Variants in UBASH3B observed in about 807,000 individuals in gnomAD.
The protein encoded by UBASH3B is ubiquitin-associated and SH3 domain-containing protein B.
In UBASH3B, 37 loss-of-function variants were observed where a neutral mutation model predicts 83.4. The observed-to-expected ratio is 0.44, with a 90% CI of 0.34 to 0.58. The LOEUF (loss-of-function observed/expected upper bound fraction) is 0.58. UBASH3B is among the 20% of genes least tolerant of loss of function. The pLI is 0.01. For synonymous variants in UBASH3B, 304 were observed against 318.3 expected (o/e 0.96, Z 0.48); for missense variants, 657 against 827.2 (o/e 0.79, Z 2.52).
intron 1 of UBASH3B, among the ~76,000 whole-genome samples, chr11:122,715,197 G>A (rs779186477): frequency 4.6e-5 from 7 of 152,124 alleles, no homozygotes; most frequent in African/African-American, 1.2e-4. Context: ...CGCCCGCCTC[G>A]GCCTCCCAAA....
chr11:122,764,974 AT>A (rs1860506937), intron 1 of UBASH3B, among the ~76,000 whole-genome samples: 1 of 152,180 alleles, frequency 6.6e-6, no homozygotes, highest in Admixed American at 6.5e-5. Context: ...AGGAATGGGT[AT>A]TTAGCAAAAG....
At chr11:122,713,821 A>C (rs1266486814) in intron 1 of UBASH3B, among the ~76,000 whole-genome samples, 1 of 152,060 alleles carries the variant, frequency 6.6e-6, no homozygotes, top group Non-Finnish European at 1.5e-5. Context: ...GAACATGGGA[A>C]TCTGTATTTT....
rs1164111404 is a variant in UBASH3B, at chr11:122,758,716, T to A, written c.162-17503T>A. On this transcript the variant is annotated intron_variant, in intron 1 of 13. Coordinates refer to ENST00000284273, the MANE Select transcript of UBASH3B (RefSeq NM_032873.5). This position sits in a 1 kb window ranked among gnomAD's most constrained non-coding sequence, Gnocchi z 4.2. ...ACGCCACTCTACTCCCTCCCTTAAG[T>A]TGCCAAGCTTTAACTCTCAGCCTAG... Among the ~76,000 whole-genome samples, 1 of 152,224 alleles carries A rather than the reference T, an allele frequency of 6.6e-6. No homozygotes were observed. The highest frequency in any genetic ancestry group is 6.5e-5 in the Admixed American group (1 of 15,282).
Position 122,761,334 on chromosome 11 carries a change from G to A in UBASH3B, c.162-14885G>A, listed in dbSNP as rs141131578. 1.7e-3 allele frequency among the ~76,000 whole-genome samples: 254 copies of A among 152,302 alleles called. 2 individuals are homozygous for A. The highest frequency in any genetic ancestry group is 6.0e-3 in the African/African-American group (251 of 41,566). ...TAAAAATAAAAAAATAGCCTGCCATGGTGGCACACACCTGTAGTCCTAGCT... is the reference window on the plus strand; with the variant it reads ...TAAAAATAAAAAAATAGCCTGCCATAGTGGCACACACCTGTAGTCCTAGCT... On this transcript the variant is annotated intron_variant, in intron 1 of 13. Transcript: ENST00000284273.
chr11:122,806,452 T>C lies in UBASH3B; in HGVS notation c.1638T>C (p.Tyr546=). Reference sequence around the variant, plus strand: ...GCAAATTAGTTGTTTCAGAATCCTATGATACTTATATCAGTAGAAGTTTCC... The same window carrying C: ...GCAAATTAGTTGTTTCAGAATCCTACGATACTTATATCAGTAGAAGTTTCC... ...PISKLVVSES[Y]DTYISRSFQV... is the part of the protein sequence containing the mutation. The change falls in exon 12 of 14, where the codon TAT becomes TAC. Residue 546 remains tyrosine, a synonymous_variant. Transcript: ENST00000284273. This position sits in a 1 kb window ranked among gnomAD's most constrained non-coding sequence, Gnocchi z 4.0. The C allele has an allele frequency of 1.2e-6, 2 of 1,606,548 alleles. No individual in the cohort carries two copies. The highest frequency in any genetic ancestry group is 1.7e-6 in the Non-Finnish European group (2 of 1,177,794).
intron 1 of UBASH3B, among the ~76,000 whole-genome samples, chr11:122,663,822 G>A (rs1246535318): frequency 6.6e-6 from 1 of 152,184 alleles, no homozygotes; most frequent in Admixed American, 6.5e-5. Flanking sequence ...ACTGACCTTG[G>A]GCAAGTTGCT....
In UBASH3B at chr11:122,728,103, G is replaced by A. The variant is rs377123222; in HGVS notation, c.162-48116G>A. 2.1e-4 allele frequency among the ~76,000 whole-genome samples: 32 copies of A among 152,304 alleles called. No homozygotes were observed. In the East Asian group the frequency reaches 5.8e-3, roughly 28 times the overall value. On this transcript the variant is annotated intron_variant, in intron 1 of 13. Transcript: ENST00000284273. Reference sequence around the variant, plus strand: ...TCTTCCTGCCTCAGCTTCCCAAGGTGCTGGTATTACAGGCGTGAGCTACCA... The same window carrying A: ...TCTTCCTGCCTCAGCTTCCCAAGGTACTGGTATTACAGGCGTGAGCTACCA...
At chr11:122,768,508 G>A (rs4016789) in intron 1 of UBASH3B, among the ~76,000 whole-genome samples, 65,779 of 134,400 alleles carry the variant, frequency 0.49, 16,267 homozygotes, top group Non-Finnish European at 0.52. Flanking sequence ...GTGTGTGTGT[G>A]TATATATATA....
intron 1 of UBASH3B, among the ~76,000 whole-genome samples, chr11:122,699,382 T>C (rs1378912009): frequency 1.3e-5 from 2 of 152,222 alleles, no homozygotes; most frequent in African/African-American, 4.8e-5. Flanking sequence ...TATGTGTTCT[T>C]GGCATTTCCT....
chr11:122,783,297 G>A, intron 5 of UBASH3B, 75 bp downstream of exon 5: 4 of 1,528,924 alleles, frequency 2.6e-6, no homozygotes, highest in South Asian at 1.2e-5. Context: ...CTGCTGCAGG[G>A]AGATGGGTAC....
chr11:122,761,778 CCTTT>C, intron 1 of UBASH3B, among the ~76,000 whole-genome samples: 1 of 116,792 alleles, frequency 8.6e-6, no homozygotes, highest in Non-Finnish European at 1.7e-5. Context: ...TCTCCCAGAT[CCTTT>C]TTTTTTTTTT....
chr11:122,759,080 G>T lies in UBASH3B; in HGVS notation c.162-17139G>T, dbSNP rs1861328825. On this transcript the variant is annotated intron_variant, in intron 1 of 13. Transcript: ENST00000284273. This position sits in a 1 kb window ranked among gnomAD's most constrained non-coding sequence, Gnocchi z 4.1. ...TCAGTCTTACAAGATTGCAGTCAAG[G>T]TGTTGGCCAGGCCGTGTTCTCACCA... 6.6e-6 allele frequency among the ~76,000 whole-genome samples: 1 copy of T among 152,210 alleles called. No individual in the cohort carries two copies. Among genetic ancestry groups the T allele is most frequent in the South Asian group, 2.1e-4 (1 of 4,836 alleles).
Position 122,762,714 on chromosome 11 carries a change from G to A in UBASH3B, c.162-13505G>A, listed in dbSNP as rs1001108429. Among the ~76,000 whole-genome samples the A allele has an allele frequency of 5.3e-5, 8 of 152,190 alleles. No homozygotes were observed. In the East Asian group the frequency reaches 1.2e-3, roughly 22 times the overall value. ...CCTCTGCACCTTTCCTTATGTTATCGCCTTACCTGAGGAGGTTTTCTCTCT... is the reference window on the plus strand; with the variant it reads ...CCTCTGCACCTTTCCTTATGTTATCACCTTACCTGAGGAGGTTTTCTCTCT... On this transcript the variant is annotated intron_variant, in intron 1 of 13. Transcript: ENST00000284273.
At chr11:122,737,375 C>G (rs1257766633) in intron 1 of UBASH3B, among the ~76,000 whole-genome samples, 1 of 151,924 alleles carries the variant, frequency 6.6e-6, no homozygotes, top group Non-Finnish European at 1.5e-5. Flanking sequence ...AACCAGTGTC[C>G]AAGAAATTTA....
At chr11:122,749,731 T>A (rs965223558) in intron 1 of UBASH3B, among the ~76,000 whole-genome samples, 1 of 152,196 alleles carries the variant, frequency 6.6e-6, no homozygotes, top group African/African-American at 2.4e-5. Context: ...TATTTTATTT[T>A]ATTTTATTTA....
rs1282925294 is a variant in UBASH3B, at chr11:122,806,618, A to G, written c.1702+102A>G. The G allele has an allele frequency of 7.4e-7, 1 of 1,355,380 alleles. No individual in the cohort carries two copies. The highest frequency in any genetic ancestry group is 9.5e-7 in the Non-Finnish European group (1 of 1,049,530). 84.0% of individuals were successfully genotyped at this position (1,355,380 alleles called of 1,614,324 possible). ...GTTTCAACTTGCTTTGGCTAACCAA[A>G]GAAATGTATTTCCAGATTTTCTTCC... On this transcript the variant is annotated intron_variant, in intron 12 of 13. Coordinates refer to ENST00000284273, the MANE Select transcript of UBASH3B (RefSeq NM_032873.5). This position sits in a 1 kb window ranked among gnomAD's most constrained non-coding sequence, Gnocchi z 4.0.
At position 122,777,062 on chromosome 11, in the gene UBASH3B, C is replaced by T. The variant is rs1381724262; in HGVS notation, c.254C>T (p.Pro85Leu). 1.2e-6 allele frequency: 2 copies of T among 1,613,244 alleles called. No individual in the cohort carries two copies. The highest frequency in any genetic ancestry group is 2.2e-5 in the South Asian group (2 of 90,974). The change falls in exon 3 of 14, where the codon CCC (proline) becomes CTC (leucine). Residue 85 changes from proline (P) to leucine (L), a missense_variant. Pro to Leu is a moderately conservative substitution (Grantham distance 98). Transcript: ENST00000284273. ...SHVGDPFLDD[P>L]LPREYVLYLR... ...GTCGGTGACCCCTTCCTGGATGACC[C>T]CCTGCCCCGGGAGTACGTCCTCTAC...
chr11:122,744,873 C>CTGTGTGTGTGTGTGTGTGTGTG (rs544992534), intron 1 of UBASH3B, among the ~76,000 whole-genome samples: 2,907 of 139,046 alleles, frequency 0.021, 36 homozygotes, highest in Middle Eastern at 0.051. Flanking sequence ...ATGTGTGACT[C>CTGTGTGTGTGTGTGTGTGTGTG]TGTGTGTGTG....
intron 1 of UBASH3B, among the ~76,000 whole-genome samples, chr11:122,695,558 G>T (rs1326583541): frequency 6.6e-6 from 1 of 152,216 alleles, no homozygotes; most frequent in Non-Finnish European, 1.5e-5. Context: ...CGCCATTTCA[G>T]CAGCTCTTAG....
Sources: allele counts gnomAD v4.1 joint callset (sites outside exome capture counted in the v4.1 genomes callset), GRCh38; gene constraint gnomAD v4.1.1; non-coding constraint Gnocchi (gnomAD v3.1); transcripts MANE v1.5; gene names NCBI Gene and HGNC (gene_info 2026-07-23, HGNC 2026-07-21).